SMARCC1: variants seen among roughly 807,000 people sequenced by gnomAD.
SMARCC1 encodes SWI/SNF complex subunit SMARCC1.
Under a neutral mutation model 147.4 loss-of-function variants are expected in SMARCC1, and 43 were observed. The observed-to-expected ratio is 0.29, with a 90% CI of 0.23 to 0.38. The LOEUF (loss-of-function observed/expected upper bound fraction) is 0.38, where lower values mean the gene tolerates loss of function less well. SMARCC1 is among the 10% of genes least tolerant of loss of function. The pLI is 1.00. For missense variants in SMARCC1, 1,119 were observed against 1,381.1 expected, an observed-to-expected ratio of 0.81 and a Z score of 3.01; for synonymous variants, 495 against 484.4, an observed-to-expected ratio of 1.02 and a Z score of -0.29.
intron 2 of SMARCC1, among the ~76,000 whole-genome samples, chr3:47,747,763 A>C (rs780020029): frequency 2.0e-5 from 3 of 152,154 alleles, no homozygotes; most frequent in Non-Finnish European, 2.9e-5. Context: ...GTTTGAGGCC[A>C]GCTTGGGCAA....
intron 8 of SMARCC1, 127 bp downstream of exon 8, chr3:47,714,288 C>T (rs1559652276): frequency 4.7e-6 from 3 of 631,688 alleles, no homozygotes; most frequent in Non-Finnish European, 5.7e-6. Context: ...CACTTGAACC[C>T]GGAGGCGGAG....
rs147848323 is a variant in SMARCC1 at position 47,590,734 on chromosome 3, G to A, written c.3147C>T (p.Thr1049=). The change falls in exon 27 of 28, where the codon ACC becomes ACT. Residue 1049 remains threonine (T), a synonymous_variant. Coordinates refer to ENST00000254480, the MANE Select transcript of SMARCC1 (RefSeq NM_003074.4). ...ANIHPSGSGP[T]PPGMPPMPGN... ...CTGGCATTGGTGGCATGCCAGGAGG[G>A]GTAGGGCCACTCCCAGAGGGGTGGA... The A allele has an allele frequency of 4.4e-6, 7 of 1,600,786 alleles. No homozygotes were observed. The African/African-American group carries it at 9.4e-5, about 22-fold the overall frequency.
At chr3:47,774,515 T>A (rs2034952323) in intron 1 of SMARCC1, among the ~76,000 whole-genome samples, 1 of 152,090 alleles carries the variant, frequency 6.6e-6, no homozygotes, top group African/African-American at 2.4e-5. Flanking sequence ...CCTTCTGGGT[T>A]CACATCGTTC....
intron 7 of SMARCC1, 111 bp from the exon 8 acceptor site, chr3:47,714,601 T>C: frequency 1.6e-6 from 1 of 620,952 alleles, no homozygotes; most frequent in East Asian, 2.9e-5. Flanking sequence ...AATCCCAGCC[T>C]GGTCAACATG....
chr3:47,745,413 T>C (rs11927129), intron 3 of SMARCC1, among the ~76,000 whole-genome samples: 39,613 of 152,058 alleles, frequency 0.26, 5,741 homozygotes, highest in South Asian at 0.42. Flanking sequence ...ATCACTTCCC[T>C]AATAAATACT....
chr3:47,589,353 AAGGAAT>A (rs1484705579), intron 27 of SMARCC1, among the ~76,000 whole-genome samples: 10 of 152,304 alleles, frequency 6.6e-5, no homozygotes, highest in South Asian at 2.1e-4. Flanking sequence ...TCCCTTTGGG[AAGGAAT>A]CCTGAAGTAC....
At chr3:47,660,401 G>A (rs1189226958) in intron 21 of SMARCC1, among the ~76,000 whole-genome samples, 6 of 139,336 alleles carry the variant, frequency 4.3e-5, no homozygotes, top group Non-Finnish European at 9.0e-5. Flanking sequence ...AGCTGAGATC[G>A]CGCCACTGCA....
chr3:47,713,319 A>T (rs1255981496), intron 8 of SMARCC1, among the ~76,000 whole-genome samples: 2 of 9,606 alleles, frequency 2.1e-4, no homozygotes, highest in Non-Finnish European at 4.9e-4. Context: ...CTCCGTCTCA[A>T]AATAAATAAA....
intron 6 of SMARCC1, among the ~76,000 whole-genome samples, chr3:47,727,996 G>C (rs986143852): frequency 6.7e-6 from 1 of 150,156 alleles, no homozygotes; most frequent in Non-Finnish European, 1.5e-5. Context: ...CTGACCTCAA[G>C]TGATCCTCCC....
chr3:47,672,156 GAAAGA>G (rs1398024129), intron 18 of SMARCC1, among the ~76,000 whole-genome samples: 1 of 151,384 alleles, frequency 6.6e-6, no homozygotes, highest in Non-Finnish European at 1.5e-5. Flanking sequence ...GGCTTTGTGA[GAAAGA>G]AAAGATGCCT....
chr3:47,767,741 G>A (rs1385133684), intron 2 of SMARCC1, among the ~76,000 whole-genome samples: 1 of 151,294 alleles, frequency 6.6e-6, no homozygotes, highest in Non-Finnish European at 1.5e-5. Flanking sequence ...GGTGGTGGGC[G>A]CCTGTAATCC....
chr3:47,718,422 A>G (rs1489940272), intron 7 of SMARCC1, among the ~76,000 whole-genome samples: 1 of 152,186 alleles, frequency 6.6e-6, no homozygotes, highest in Non-Finnish European at 1.5e-5. Context: ...AGAAAGAGTA[A>G]GACTCCATCT....
At chr3:47,595,891 C>A (rs955075075) in intron 26 of SMARCC1, among the ~76,000 whole-genome samples, 1 of 151,730 alleles carries the variant, frequency 6.6e-6, no homozygotes, top group Non-Finnish European at 1.5e-5. Context: ...CGTGCCACCA[C>A]GCCCAGCTAA....
intron 2 of SMARCC1, among the ~76,000 whole-genome samples, chr3:47,754,526 T>C (rs2034664986): frequency 6.6e-6 from 1 of 152,054 alleles, no homozygotes; most frequent in South Asian, 2.1e-4. Context: ...TACACCCATT[T>C]TACAGATGAG....
At chr3:47,701,459 AAC>A (rs924080673) in intron 10 of SMARCC1, 57 bp from the exon 11 acceptor site, 1 of 1,516,700 alleles carries the variant, frequency 6.6e-7, no homozygotes, top group Non-Finnish European at 9.1e-7. Context: ...ACTGATAGCA[AAC>A]AGTTTCTGAG....
At chr3:47,634,389 A>AG (rs1460028232) in intron 24 of SMARCC1, among the ~76,000 whole-genome samples, 2 of 152,228 alleles carry the variant, frequency 1.3e-5, no homozygotes, top group Non-Finnish European at 2.9e-5. Flanking sequence ...TTAAACACTT[A>AG]GAGAAGTAGT....
chr3:47,702,140 A>G (rs914138970), intron 10 of SMARCC1, among the ~76,000 whole-genome samples: 1 of 150,950 alleles, frequency 6.6e-6, no homozygotes, highest in Non-Finnish European at 1.5e-5. Context: ...ATATAGTACT[A>G]ATTCTTTTGT....
At chr3:47,680,004 T>C (rs974939569) in intron 15 of SMARCC1, among the ~76,000 whole-genome samples, 2 of 151,816 alleles carry the variant, frequency 1.3e-5, no homozygotes, top group African/African-American at 4.8e-5. Flanking sequence ...AATAAAAGAA[T>C]ACTCTAGGCA....
intron 2 of SMARCC1, among the ~76,000 whole-genome samples, chr3:47,759,618 CAAAAAAAAA>C (rs796811233): frequency 1.6e-5 from 1 of 63,770 alleles, no homozygotes; most frequent in African/African-American, 6.4e-5. Context: ...GACTCCGTCT[CAAAAAAAAA>C]AAAAAAAAAG....
Sources: gnomAD v4.1 joint callset for allele counts (sites outside exome capture counted in the v4.1 genomes callset) on GRCh38, gnomAD v4.1.1 for gene constraint, MANE v1.5 for transcripts, NCBI Gene and HGNC (gene_info 2026-07-23, HGNC 2026-07-21) for gene names.